TIAM1: variants seen among roughly 807,000 people sequenced by gnomAD.
The protein encoded by TIAM1 is rho guanine nucleotide exchange factor TIAM1.
Under a neutral mutation model 163.5 loss-of-function variants are expected in TIAM1, and 65 were observed. The ratio of observed to expected loss-of-function variants is 0.40; its 90% CI spans 0.33 to 0.49. TIAM1 has a LOEUF of 0.49. Among genes scored for constraint, TIAM1 ranks in the 20% least tolerant of loss-of-function variants. The pLI is 0.77. For synonymous variants in TIAM1, 833 were observed against 810.1 expected, an observed-to-expected ratio of 1.03 and a Z score of -0.48; for missense variants, 1,789 against 2,044.7, an observed-to-expected ratio of 0.87 and a Z score of 2.41.
intron 2 of TIAM1, among the ~76,000 whole-genome samples, chr21:31,295,238 A>G (rs148380615): frequency 0.052 from 7,886 of 152,220 alleles, 285 homozygotes; most frequent in Non-Finnish European, 0.075. Context: ...TGGGAGGCCA[A>G]GGCGGGCGGA....
At chr21:31,500,481 A>AC in intron 1 of TIAM1, among the ~76,000 whole-genome samples, 1 of 152,206 alleles carries the variant, frequency 6.6e-6, no homozygotes. Context: ...TAGGGGTTTA[A>AC]CCGGGTCTCC....
chr21:31,453,385 G>A (rs1416002975), intron 2 of TIAM1, among the ~76,000 whole-genome samples: 1 of 152,120 alleles, frequency 6.6e-6, no homozygotes, highest in Non-Finnish European at 1.5e-5. Flanking sequence ...AAGCACTGAG[G>A]TGGCCTCCAG....
At chr21:31,130,358 T>C in intron 24 of TIAM1, 43 bp from the exon 25 acceptor site, 1 of 1,503,698 alleles carries the variant, frequency 6.7e-7, no homozygotes, top group Non-Finnish European at 9.3e-7. Flanking sequence ...GAATCTAACC[T>C]GCCCCGGACC....
At chr21:31,411,239 T>C (rs564424839) in intron 2 of TIAM1, among the ~76,000 whole-genome samples, 155 of 152,198 alleles carry the variant, frequency 1.0e-3, no homozygotes, top group African/African-American at 3.6e-3. Context: ...ATAATAATAA[T>C]AACAAAATGC....
At chr21:31,290,182 G>A (rs1236957107) in intron 2 of TIAM1, among the ~76,000 whole-genome samples, 1 of 152,048 alleles carries the variant, frequency 6.6e-6, no homozygotes, top group African/African-American at 2.4e-5. Context: ...AAAGGCAAAA[G>A]ATGAAACATA....
intron 2 of TIAM1, among the ~76,000 whole-genome samples, chr21:31,315,112 T>C (rs543223620): frequency 6.6e-5 from 10 of 152,258 alleles, no homozygotes; most frequent in African/African-American, 2.4e-4. Context: ...GGTGGCTCAC[T>C]GTAATCCCAG....
At chr21:31,181,756 CTTTTTTTTTTTTTTTTTTTTT>C (rs781153297) in intron 15 of TIAM1, among the ~76,000 whole-genome samples, 543 of 41,320 alleles carry the variant, frequency 0.013, 59 homozygotes, top group African/African-American at 0.03. Flanking sequence ...TCTTCTTCTT[CTTTTTTTTTTTTTTTTTTTTT>C]TTTTTTTTTT....
At chr21:31,544,500 C>T (rs910731050) in intron 1 of TIAM1, among the ~76,000 whole-genome samples, 12 of 148,500 alleles carry the variant, frequency 8.1e-5, no homozygotes, top group African/African-American at 2.2e-4. Context: ...CGATGGTGGG[C>T]GCCTGTAATC....
chr21:31,266,497 A>C lies in TIAM1; in HGVS notation c.476T>G (p.Phe159Cys). 6.2e-7 allele frequency: 1 copy of C among 1,614,188 alleles called. No homozygotes were observed. Among genetic ancestry groups the C allele is most frequent in the Non-Finnish European group, 8.5e-7 (1 of 1,180,038 alleles). ...CTTCTTAAAGCTCGCCGTCTCCATGAAAGTGGGCCCATTGGATGTATAGGA... is the reference window on the plus strand; with the variant it reads ...CTTCTTAAAGCTCGCCGTCTCCATGCAAGTGGGCCCATTGGATGTATAGGA... Reference protein sequence around the residue: ...QHSYTSNGPTFMETASFKKKR... With the variant: ...QHSYTSNGPTCMETASFKKKR... Residue 159 changes from phenylalanine (F) to cysteine (C), a missense_variant, in exon 4 of 28, where the codon TTC becomes TGC. Coordinates refer to ENST00000541036, the MANE Select transcript of TIAM1 (RefSeq NM_001353694.2).
chr21:31,400,928 T>C (rs981056630), intron 2 of TIAM1, among the ~76,000 whole-genome samples: 2 of 152,014 alleles, frequency 1.3e-5, no homozygotes, highest in Admixed American at 6.6e-5. Flanking sequence ...CCGGCTCTAC[T>C]AAAAATACAA....
intron 1 of TIAM1, among the ~76,000 whole-genome samples, chr21:31,479,960 G>A (rs1379335948): frequency 6.6e-6 from 1 of 152,136 alleles, no homozygotes; most frequent in Non-Finnish European, 1.5e-5. Flanking sequence ...CACCCTCCTA[G>A]GGAACACCTA....
At chr21:31,213,578 C>T (rs944737472) in intron 9 of TIAM1, 106 bp from the exon 10 acceptor site, 8 of 907,360 alleles carry the variant, frequency 8.8e-6, no homozygotes, top group African/African-American at 1.7e-5. Flanking sequence ...ACCTTACACA[C>T]GTGTTCAGAT....
intron 2 of TIAM1, among the ~76,000 whole-genome samples, chr21:31,315,679 CAAAAAA>C (rs58560437): frequency 1.2e-5 from 1 of 80,248 alleles, no homozygotes; most frequent in Non-Finnish European, 2.5e-5. Context: ...AACTCCATCT[CAAAAAA>C]AAAAAAAAAA....
chr21:31,525,492 C>A (rs2047749419), intron 1 of TIAM1, among the ~76,000 whole-genome samples: 1 of 152,078 alleles, frequency 6.6e-6, no homozygotes, highest in African/African-American at 2.4e-5. Context: ...TCACTAGGCC[C>A]CACCTCCAAC....
chr21:31,266,485 G>A lies in TIAM1; in HGVS notation c.488C>T (p.Ala163Val), dbSNP rs146951286. ...TSNGPTFMET[A>V]SFKKKRSKSA... ...TTTGGAGCGTTTCTTCTTAAAGCTC[G>A]CCGTCTCCATGAAAGTGGGCCCATT... The change falls in exon 4 of 28, where the codon GCG (alanine) becomes GTG (valine). Residue 163 changes from alanine (A) to valine (V), a missense_variant. Transcript: ENST00000541036. 4.2e-4 allele frequency: 682 copies of A among 1,614,018 alleles called. No individual in the cohort carries two copies. Among genetic ancestry groups the A allele is most frequent in the Non-Finnish European group, 5.5e-4 (652 of 1,180,044 alleles).
At chr21:31,245,382 A>AG in intron 6 of TIAM1, 106 bp downstream of exon 6, 1 of 804,138 alleles carries the variant, frequency 1.2e-6, no homozygotes, top group East Asian at 3.9e-5. Flanking sequence ...TAAAAAAAAA[A>AG]AAAAAAAAAA....
At chr21:31,530,712 C>T (rs1379218453) in intron 1 of TIAM1, among the ~76,000 whole-genome samples, 2 of 152,146 alleles carry the variant, frequency 1.3e-5, no homozygotes, top group Non-Finnish European at 2.9e-5. Context: ...GCTGGTCAGC[C>T]GCACTTCGCA....
At chr21:31,368,593 A>G (rs2076538288) in intron 2 of TIAM1, among the ~76,000 whole-genome samples, 1 of 152,212 alleles carries the variant, frequency 6.6e-6, no homozygotes, top group South Asian at 2.1e-4. Flanking sequence ...AAGAAAGCGT[A>G]CAGGCTTCAA....
chr21:31,185,850 G>C (rs936491635), intron 14 of TIAM1, among the ~76,000 whole-genome samples: 2 of 151,906 alleles, frequency 1.3e-5, no homozygotes, highest in African/African-American at 4.8e-5. Flanking sequence ...GCAGAGATTG[G>C]AGTGATACAG....
Sources: gnomAD v4.1 joint callset for allele counts (sites outside exome capture counted in the v4.1 genomes callset) on GRCh38, gnomAD v4.1.1 for gene constraint, MANE v1.5 for transcripts, NCBI Gene and HGNC (gene_info 2026-07-23, HGNC 2026-07-21) for gene names.